Variants in USP31 observed in about 807,000 individuals in gnomAD.
The protein encoded by USP31 is ubiquitin specific peptidase 31.
Under a neutral mutation model 119.4 loss-of-function variants are expected in USP31, and 44 were observed. That is an observed-to-expected ratio of 0.37 (90% CI 0.29 to 0.47). USP31 has a LOEUF of 0.47. Ranked by LOEUF, USP31 falls within the 20% of genes least tolerant of loss-of-function variation. USP31 has a pLI of 0.99. For missense variants in USP31, 1,643 were observed against 1,730.2 expected, an observed-to-expected ratio of 0.95 and a Z score of 0.89; for synonymous variants, 749 against 705.6, an observed-to-expected ratio of 1.06 and a Z score of -0.97.
At chr16:23,086,520 AG>A (rs964950775) in intron 9 of USP31, among the ~76,000 whole-genome samples, 1 of 152,020 alleles carries the variant, frequency 6.6e-6, no homozygotes, top group Non-Finnish European at 1.5e-5. Context: ...GGGTGGGAGG[AG>A]GAAGAGTATA....
intron 1 of USP31, among the ~76,000 whole-genome samples, chr16:23,136,315 G>A (rs1903188749): frequency 6.6e-6 from 1 of 152,130 alleles, no homozygotes; most frequent in African/African-American, 2.4e-5. Context: ...ATGAACAAAA[G>A]CACAGGCAAC....
In USP31 at chr16:23,064,126, CGT is replaced by C. The variant is rs1487005801; in HGVS notation, c.*3918_*3919del. 5 of 152,744 alleles carry C rather than the reference CGT, an allele frequency of 3.3e-5. No individual in the cohort carries two copies. The South Asian group carries it at 8.3e-4, about 25-fold the overall frequency. 9.5% of individuals were successfully genotyped at this position (152,744 alleles called of 1,614,324 possible). A position where few individuals can be genotyped will look rare whatever the true frequency, so the allele number is the denominator to read the frequency against. On this transcript the variant is annotated 3_prime_UTR_variant, in exon 16 of 16. Transcript: ENST00000219689. ...CAAAGTTCCACGCACCTCCAGAATA[CGT>C]GTTTTATTGAAACTGTGCTTATGAC...
At chr16:23,145,354 C>T (rs559769878) in intron 1 of USP31, among the ~76,000 whole-genome samples, 14 of 152,252 alleles carry the variant, frequency 9.2e-5, no homozygotes, top group Middle Eastern at 3.4e-3. Flanking sequence ...TGCACACTGA[C>T]GCATGAGAAG....
intron 6 of USP31, among the ~76,000 whole-genome samples, chr16:23,097,682 A>G (rs1307652641): frequency 6.6e-6 from 1 of 152,260 alleles, no homozygotes; most frequent in East Asian, 1.9e-4. Context: ...ATGCAAATCA[A>G]TAAATGTAAT....
At chr16:23,088,827 C>T (rs1162683159) in intron 7 of USP31, among the ~76,000 whole-genome samples, 18 of 152,198 alleles carry the variant, frequency 1.2e-4, no homozygotes, top group Admixed American at 1.2e-3. Flanking sequence ...CTTAGTAGCG[C>T]AAACAGACAA....
chr16:23,135,139 A>T (rs983546522), intron 1 of USP31, among the ~76,000 whole-genome samples: 17 of 65,270 alleles, frequency 2.6e-4, no homozygotes, highest in Admixed American at 7.1e-4. Flanking sequence ...TCATGATTTA[A>T]AAAAAAAAAA....
At chr16:23,110,376 C>T (rs1033489300) in intron 1 of USP31, among the ~76,000 whole-genome samples, 1 of 152,040 alleles carries the variant, frequency 6.6e-6, no homozygotes. Flanking sequence ...GATTAAGAGG[C>T]AGGGATTCAA....
At chr16:23,142,197 G>A (rs1198613287) in intron 1 of USP31, among the ~76,000 whole-genome samples, 1 of 152,108 alleles carries the variant, frequency 6.6e-6, no homozygotes, top group African/African-American at 2.4e-5. Flanking sequence ...AAAATTTATT[G>A]TAATTCTTAC....
Position 23,064,638 on chromosome 16 carries a change from C to T in USP31, c.*3408G>A, listed in dbSNP as rs369229622. 9 of 152,310 alleles carry T rather than the reference C, an allele frequency of 5.9e-5. No homozygotes were observed. In the East Asian group the frequency reaches 1.5e-3, roughly 26 times the overall value. 9.4% of individuals were successfully genotyped at this position (152,310 alleles called of 1,614,324 possible). On this transcript the variant is annotated 3_prime_UTR_variant, in exon 16 of 16. Transcript: ENST00000219689. ...GGAACAGACTTGCTCAAGAGAACCA[C>T]AAGCCTTAGCCGATTTGACCGGAAT...
At chr16:23,143,795 G>T (rs1290983646) in intron 1 of USP31, among the ~76,000 whole-genome samples, 1 of 151,878 alleles carries the variant, frequency 6.6e-6, no homozygotes, top group Non-Finnish European at 1.5e-5. Context: ...AGCATCCCTG[G>T]AATCTACCAC....
intron 6 of USP31, among the ~76,000 whole-genome samples, chr16:23,097,616 C>T (rs1901669340): frequency 6.6e-6 from 1 of 152,182 alleles, no homozygotes; most frequent in African/African-American, 2.4e-5. Flanking sequence ...CATCAAAAAG[C>T]TTATCCACTA....
At chr16:23,114,807 C>T (rs1902439710) in intron 1 of USP31, among the ~76,000 whole-genome samples, 1 of 152,066 alleles carries the variant, frequency 6.6e-6, no homozygotes, top group African/African-American at 2.4e-5. Context: ...TATATCAGAC[C>T]CTAAAGGAAA....
rs763456010 is a variant in USP31 at position 23,148,896 on chromosome 16, G to C, written c.375C>G (p.Pro125=). The change falls in exon 1 of 16, where the codon CCC becomes CCG. Residue 125 remains proline (P), a synonymous_variant. Transcript: ENST00000219689. ...APPACAAEPV[P]GVAGLRNHGN... ...CGTGGTTGCGGAGCCCCGCCACGCC[G>C]GGCACCGGCTCGGCGGCGCAAGCGG... 2 of 1,442,650 alleles carry C rather than the reference G, an allele frequency of 1.4e-6. No individual in the cohort carries two copies. Among genetic ancestry groups the C allele is most frequent in the Non-Finnish European group, 1.8e-6 (2 of 1,089,672 alleles). The allele number at this position is 1,442,650 out of a possible 1,614,324, so 89.4% of individuals were successfully genotyped here.
Position 23,096,681 on chromosome 16 carries a change from TAAGA to T in USP31, c.1234+5634_1234+5637del, listed in dbSNP as rs983094822. Reference sequence around the variant, plus strand: ...GTGCAATCAAATTAGAACTCAGGATTAAGAAACTCACTCAAAACTGTACAACTAC... The same window carrying T: ...GTGCAATCAAATTAGAACTCAGGATTAACTCACTCAAAACTGTACAACTAC... On this transcript the variant is annotated intron_variant, in intron 6 of 15. Transcript: ENST00000219689. Among the ~76,000 whole-genome samples, 3 of 152,186 alleles carry T rather than the reference TAAGA, an allele frequency of 2.0e-5. No individual in the cohort carries two copies. In the East Asian group the frequency reaches 5.8e-4, roughly 29 times the overall value.
chr16:23,144,912 T>C (rs764851779), intron 1 of USP31, among the ~76,000 whole-genome samples: 15 of 152,200 alleles, frequency 9.9e-5, no homozygotes, highest in Non-Finnish European at 2.2e-4. Context: ...AAGAATCTAA[T>C]TATATCACTT....
At chr16:23,083,822 A>C (rs543665818) in intron 11 of USP31, among the ~76,000 whole-genome samples, 49 of 152,206 alleles carry the variant, frequency 3.2e-4, no homozygotes, top group Non-Finnish European at 5.9e-4. Context: ...CTATTTTCAA[A>C]TATTCGAACA....
rs979110267 is a variant in USP31 at position 23,063,735 on chromosome 16, T to G, written c.*4311A>C. On this transcript the variant is annotated 3_prime_UTR_variant, in exon 16 of 16. Coordinates refer to ENST00000219689, the MANE Select transcript of USP31 (RefSeq NM_020718.4). ...AAAATAGAGCTCCATAATTGTTGCC[T>G]TTTTTTTTTAAGACTTAACATTTCA... is the stretch of plus-strand genomic sequence containing the variant. 1 of 97,200 alleles carries G rather than the reference T, an allele frequency of 1.0e-5. No homozygotes were observed. The highest frequency in any genetic ancestry group is 3.3e-5 in the African/African-American group (1 of 30,200). The allele number at this position is 97,200 out of a possible 1,614,324, so 6.0% of individuals were successfully genotyped here.
At chr16:23,123,512 T>C (rs1041545844) in intron 1 of USP31, among the ~76,000 whole-genome samples, 3 of 151,940 alleles carry the variant, frequency 2.0e-5, no homozygotes, top group Non-Finnish European at 2.9e-5. Flanking sequence ...CACACCAGCC[T>C]GGACAACAGA....
At chr16:23,122,527 T>C (rs1902706092) in intron 1 of USP31, among the ~76,000 whole-genome samples, 2 of 152,128 alleles carry the variant, frequency 1.3e-5, no homozygotes, top group Non-Finnish European at 2.9e-5. Flanking sequence ...AGCAGCATTA[T>C]TTATAATAGC....
Sources: allele counts gnomAD v4.1 joint callset (sites outside exome capture counted in the v4.1 genomes callset), GRCh38; gene constraint gnomAD v4.1.1; transcripts MANE v1.5; gene names NCBI Gene and HGNC (gene_info 2026-07-23, HGNC 2026-07-21).